CTDP1: variants seen among roughly 807,000 people sequenced by gnomAD.
CTDP1 encodes the protein CTD phosphatase 1.
In CTDP1, 47 loss-of-function variants were observed where a neutral mutation model predicts 91.8. The observed-to-expected ratio is 0.51, with a 90% CI of 0.41 to 0.65. The LOEUF is 0.65. Among genes scored for constraint, CTDP1 ranks in the 30% least tolerant of loss-of-function variants. The pLI is 0.00. For missense variants in CTDP1, 1,272 were observed against 1,373.7 expected (o/e 0.93, Z 1.17); for synonymous variants, 656 against 598.5 (o/e 1.10, Z -1.40).
intron 4 of CTDP1, 114 bp downstream of exon 4, chr18:79,698,102 T>C (rs1389954675): frequency 8.8e-6 from 13 of 1,472,704 alleles, no homozygotes; most frequent in Admixed American, 2.0e-5. Context: ...CAGCCTGGGT[T>C]TGGAAAGCAG....
At chr18:79,756,072 G>T, downstream of CTDP1, 1 of 152,522 alleles carries the variant, frequency 6.6e-6, no homozygotes, top group Non-Finnish European at 1.5e-5. Context: ...CTCTGGGATC[G>T]CCCACGGGGG....
intron 10 of CTDP1, among the ~76,000 whole-genome samples, chr18:79,724,449 G>A (rs2086405635): frequency 6.6e-6 from 1 of 152,224 alleles, no homozygotes. Context: ...AGCGGTGAGT[G>A]ACCCAGGTGG....
At chr18:79,733,823 A>G (rs2086614508) in intron 11 of CTDP1, among the ~76,000 whole-genome samples, 1 of 152,126 alleles carries the variant, frequency 6.6e-6, no homozygotes, top group Admixed American at 6.5e-5. Flanking sequence ...GTTGGTAGAA[A>G]CATTTCATTT....
rs1332161283 is a variant in CTDP1, at chr18:79,695,220, T to C, written c.315-5T>C. 1.2e-6 allele frequency: 2 copies of C among 1,614,114 alleles called. No individual in the cohort carries two copies. The highest frequency in any genetic ancestry group is 4.5e-5 in the East Asian group (2 of 44,892). ...AAGTGTTGTTCCCCTTGTGTTTTTT[T>C]GTAGAGCGGTTCTGGTGAGGTTGGA... On this transcript the variant is annotated splice_region_variant and splice_polypyrimidine_tract_variant and intron_variant, in intron 1 of 12. Coordinates refer to ENST00000613122, the MANE Select transcript of CTDP1 (RefSeq NM_004715.5).
At chr18:79,753,094 A>G (rs1320521722) in intron 12 of CTDP1, among the ~76,000 whole-genome samples, 2 of 149,498 alleles carry the variant, frequency 1.3e-5, no homozygotes, top group Non-Finnish European at 3.0e-5. Context: ...CTGGTTATGC[A>G]GAGGCTCGTA....
In CTDP1 at chr18:79,680,267, T is replaced by G; in HGVS notation, c.314+6T>G. On this transcript the variant is annotated splice_donor_region_variant and intron_variant, in intron 1 of 12. Coordinates refer to ENST00000613122, the MANE Select transcript of CTDP1 (RefSeq NM_004715.5). ...GGCCAGGTGGTCGCCCCAGGGTGAG[T>G]GTGCTGAGCCGGGCGGGGCCGAGGG... 7.9e-7 allele frequency: 1 copy of G among 1,265,762 alleles called. No individual in the cohort carries two copies. The highest frequency in any genetic ancestry group is 9.9e-7 in the Non-Finnish European group (1 of 1,008,260). The allele number at this position is 1,265,762 out of a possible 1,614,324, so 78.4% of individuals were successfully genotyped here.
At chr18:79,729,504 T>C (rs1021784550) in intron 11 of CTDP1, among the ~76,000 whole-genome samples, 1 of 152,202 alleles carries the variant, frequency 6.6e-6, no homozygotes, top group Non-Finnish European at 1.5e-5. Flanking sequence ...GAGGGCTGTG[T>C]GTTGCACGTG....
At chr18:79,751,490 G>GA in intron 12 of CTDP1, among the ~76,000 whole-genome samples, 1 of 152,308 alleles carries the variant, frequency 6.6e-6, no homozygotes, top group East Asian at 1.9e-4. Flanking sequence ...CTCTGAACGA[G>GA]CTTGTCGTGA....
At chr18:79,745,247 T>C (rs998266410) in intron 12 of CTDP1, among the ~76,000 whole-genome samples, 2 of 136,944 alleles carry the variant, frequency 1.5e-5, no homozygotes, top group Non-Finnish European at 3.2e-5. Context: ...GTCCCTCCCA[T>C]GCGCGTTCTG....
chr18:79,715,007 AGGCCGAG>A lies in CTDP1; in HGVS notation c.1548_1554del (p.Glu516AspfsTer122). On this transcript the variant is annotated frameshift_variant, in exon 8 of 13. Coordinates refer to ENST00000613122, the MANE Select transcript of CTDP1 (RefSeq NM_004715.5). LOFTEE classifies it high-confidence loss of function. ...CCTGCAGCACCGAGTCTCCCCGGAG[AGGCCGAG>A]CCTGGCGCGCATGCCCCGGACAAGG... 1 of 1,591,076 alleles carries A rather than the reference AGGCCGAG, an allele frequency of 6.3e-7. No individual in the cohort carries two copies. Among genetic ancestry groups the A allele is most frequent in the Non-Finnish European group, 8.5e-7 (1 of 1,170,074 alleles).
chr18:79,738,332 A>G (rs1753219086), intron 12 of CTDP1, among the ~76,000 whole-genome samples: 2 of 152,156 alleles, frequency 1.3e-5, no homozygotes, highest in Admixed American at 6.5e-5. Flanking sequence ...CATCCTCAGT[A>G]CAGACTTGTG....
rs541608857 is a variant in CTDP1 at position 79,702,539 on chromosome 18, A to G, written c.622-2228A>G. Reference sequence around the variant, plus strand: ...CAGGCGTGTACCACCACACCCAGTTAATTTTTATATTTTTAGTAGAGACGG... The same window carrying G: ...CAGGCGTGTACCACCACACCCAGTTGATTTTTATATTTTTAGTAGAGACGG... On this transcript the variant is annotated intron_variant, in intron 4 of 12. Transcript: ENST00000613122. 1.9e-4 allele frequency among the ~76,000 whole-genome samples: 29 copies of G among 151,960 alleles called. 1 individual carries two copies. In the South Asian group the frequency reaches 6.0e-3, roughly 32 times the overall value.
rs941638022 is a variant in CTDP1, at chr18:79,746,413, G to A, written c.2748-7239G>A. On this transcript the variant is annotated intron_variant, in intron 12 of 12. Transcript: ENST00000613122. Reference sequence around the variant, plus strand: ...CCTCCCATGCGTGTTCTGACTCTGCGGTCTCTTCAGGGTTTGCCACTCGAG... The same window carrying A: ...CCTCCCATGCGTGTTCTGACTCTGCAGTCTCTTCAGGGTTTGCCACTCGAG... Among the ~76,000 whole-genome samples, 54 of 152,326 alleles carry A rather than the reference G, an allele frequency of 3.5e-4. 2 individuals are homozygous for A. Among genetic ancestry groups the A allele is most frequent in the Admixed American group, 2.9e-3 (44 of 15,296 alleles).
At chr18:79,704,731 GC>G in intron 4 of CTDP1, 35 bp from the exon 5 acceptor site, 1 of 1,611,736 alleles carries the variant, frequency 6.2e-7, no homozygotes, top group East Asian at 2.2e-5. Flanking sequence ...GGCTCCTCAG[GC>G]CTTTTCTCCC....
intron 3 of CTDP1, among the ~76,000 whole-genome samples, chr18:79,696,382 C>G (rs1424865881): frequency 6.6e-6 from 1 of 152,218 alleles, no homozygotes; most frequent in Non-Finnish European, 1.5e-5. Flanking sequence ...TTCCCTTGAG[C>G]CAAGTCCTAA....
At chr18:79,737,070 G>T (rs2086685217) in intron 12 of CTDP1, among the ~76,000 whole-genome samples, 1 of 152,242 alleles carries the variant, frequency 6.6e-6, no homozygotes, top group African/African-American at 2.4e-5. Context: ...CCCGCCTCCA[G>T]CGTGCGGTCT....
chr18:79,741,213 T>G (rs1444535344), intron 12 of CTDP1, among the ~76,000 whole-genome samples: 1 of 146,366 alleles, frequency 6.8e-6, no homozygotes, highest in Non-Finnish European at 1.5e-5. Context: ...CCTGAGTCCC[T>G]GAGGTCCCCC....
In CTDP1 at chr18:79,715,112, G is replaced by A; in HGVS notation, c.1652G>A (p.Arg551Lys). 6.2e-7 allele frequency: 1 copy of A among 1,613,304 alleles called. No individual in the cohort carries two copies. Among genetic ancestry groups the A allele is most frequent in the South Asian group, 1.1e-5 (1 of 90,976 alleles). ...LCGLGNGCAD[R>K]KEAETESQNS... Reference sequence around the variant, plus strand: ...GGCCTGGGCAACGGCTGTGCCGACAGGAAGGAGGCGGAGACCGAGTCACAG... The same window carrying A: ...GGCCTGGGCAACGGCTGTGCCGACAAGAAGGAGGCGGAGACCGAGTCACAG... Residue 551 changes from arginine to lysine, a missense_variant, in exon 8 of 13, where the codon AGG becomes AAG. By Grantham distance (26) the Arg-to-Lys change is conservative. Transcript: ENST00000613122.
chr18:79,741,118 C>G (rs781410935), intron 12 of CTDP1, among the ~76,000 whole-genome samples: 2 of 148,244 alleles, frequency 1.3e-5, no homozygotes, highest in African/African-American at 2.5e-5. Context: ...TGTGGTTGAT[C>G]TGTCCCTGAG....
Sources: gnomAD v4.1 joint callset for allele counts (sites outside exome capture counted in the v4.1 genomes callset) on GRCh38, gnomAD v4.1.1 for gene constraint, MANE v1.5 for transcripts, NCBI Gene and HGNC (gene_info 2026-07-23, HGNC 2026-07-21) for gene names.